JAZF1: variants seen among roughly 807,000 people sequenced by gnomAD.
JAZF1 encodes juxtaposed with another zinc finger protein 1.
Under a neutral mutation model 26.4 loss-of-function variants are expected in JAZF1, and 8 were observed. The observed-to-expected ratio is 0.30, with a 90% CI of 0.18 to 0.55. The LOEUF (loss-of-function observed/expected upper bound fraction) is 0.55, where lower values mean the gene tolerates loss of function less well. Ranked by LOEUF, JAZF1 falls within the 20% of genes least tolerant of loss-of-function variation. The pLI is 0.94. For synonymous variants in JAZF1, 126 were observed against 122.3 expected (o/e 1.03, Z -0.20); for missense variants, 199 against 322.0 (o/e 0.62, Z 2.92).
intron 1 of JAZF1, among the ~76,000 whole-genome samples, chr7:28,116,435 G>A (rs1394565232): frequency 1.3e-5 from 2 of 152,102 alleles, no homozygotes; most frequent in Non-Finnish European, 1.5e-5. Context: ...TGAAAACAAT[G>A]TATTTCTTTC....
chr7:28,103,436 G>A (rs1436106166), intron 1 of JAZF1, among the ~76,000 whole-genome samples: 1 of 152,094 alleles, frequency 6.6e-6, no homozygotes, highest in East Asian at 1.9e-4. Context: ...AGCATGGGAA[G>A]CAGAGCAAGA....
chr7:27,873,259 C>T (rs1385687793), intron 3 of JAZF1, among the ~76,000 whole-genome samples: 1 of 152,180 alleles, frequency 6.6e-6, no homozygotes, highest in African/African-American at 2.4e-5. Flanking sequence ...TCTCTTGGCC[C>T]TCCAATCCAT....
At chr7:27,998,710 T>C (rs1423250549) in intron 1 of JAZF1, among the ~76,000 whole-genome samples, 1 of 152,220 alleles carries the variant, frequency 6.6e-6, no homozygotes, top group African/African-American at 2.4e-5. Context: ...TGCAGCACAA[T>C]AACACCATCT....
intron 1 of JAZF1, among the ~76,000 whole-genome samples, chr7:28,138,929 T>C (rs1012058457): frequency 6.6e-6 from 1 of 152,164 alleles, no homozygotes; most frequent in Non-Finnish European, 1.5e-5. Context: ...ATGACAGTTG[T>C]TTGGAAACTG....
At chr7:28,147,992 C>T (rs1263312060) in intron 1 of JAZF1, among the ~76,000 whole-genome samples, 1 of 152,074 alleles carries the variant, frequency 6.6e-6, no homozygotes, top group Non-Finnish European at 1.5e-5. Flanking sequence ...TTCTTTCTTT[C>T]CTTTATCCCC....
intron 3 of JAZF1, among the ~76,000 whole-genome samples, chr7:27,857,469 G>A (rs543585185): frequency 5.9e-5 from 9 of 152,320 alleles, no homozygotes; most frequent in East Asian, 3.9e-4. Context: ...ACAGTGCAGC[G>A]GCAGGCTGAA....
chr7:27,857,170 T>C (rs1783279857), intron 3 of JAZF1, among the ~76,000 whole-genome samples: 1 of 152,180 alleles, frequency 6.6e-6, no homozygotes, highest in African/African-American at 2.4e-5. Context: ...GGCTCAGGCA[T>C]GGTGGGCTGC....
intron 1 of JAZF1, among the ~76,000 whole-genome samples, chr7:28,167,344 G>C (rs1452001924): frequency 1.3e-5 from 2 of 152,174 alleles, no homozygotes; most frequent in Non-Finnish European, 2.9e-5. Context: ...TATAGGTGGT[G>C]TCTCACAAAA....
chr7:27,913,364 AAAC>A (rs1466963058), intron 2 of JAZF1: 5 of 458,458 alleles, frequency 1.1e-5, no homozygotes, highest in African/African-American at 6.1e-5. Flanking sequence ...AGGAAGAAAA[AAAC>A]AACAAAAGAA....
At chr7:27,982,310 G>A (rs1006614210) in intron 2 of JAZF1, among the ~76,000 whole-genome samples, 7 of 152,236 alleles carry the variant, frequency 4.6e-5, no homozygotes, top group African/African-American at 1.4e-4. Context: ...TATATCCCGC[G>A]CATGGCTCAG....
chr7:28,055,462 G>A (rs748528660), intron 1 of JAZF1, among the ~76,000 whole-genome samples: 16 of 152,090 alleles, frequency 1.1e-4, no homozygotes, highest in East Asian at 7.7e-4. Context: ...ACTTTGGTGC[G>A]TGTGATTTCC....
At chr7:28,122,607 T>C (rs1230674937) in intron 1 of JAZF1, among the ~76,000 whole-genome samples, 1 of 152,156 alleles carries the variant, frequency 6.6e-6, no homozygotes, top group African/African-American at 2.4e-5. Flanking sequence ...CAGCTGGGCC[T>C]GAGATGTCAA....
intron 2 of JAZF1, among the ~76,000 whole-genome samples, chr7:27,972,314 A>G (rs1024133951): frequency 1.3e-5 from 2 of 152,238 alleles, no homozygotes; most frequent in African/African-American, 4.8e-5. Context: ...AACTGTGTAA[A>G]GCTCTGATTG....
At chr7:27,871,117 A>C (rs1415899250) in intron 3 of JAZF1, among the ~76,000 whole-genome samples, 1 of 152,214 alleles carries the variant, frequency 6.6e-6, no homozygotes, top group Admixed American at 6.5e-5. Flanking sequence ...TAAAAAGGAG[A>C]GATTTTCCAA....
intron 2 of JAZF1, among the ~76,000 whole-genome samples, chr7:27,914,362 C>A (rs10275982): frequency 0.28 from 42,004 of 151,968 alleles, 6,544 homozygotes; most frequent in Middle Eastern, 0.38. Flanking sequence ...ATTCTAAAGC[C>A]AACTGTGGGG....
At chr7:28,125,966 C>A (rs578089746) in intron 1 of JAZF1, among the ~76,000 whole-genome samples, 3 of 152,100 alleles carry the variant, frequency 2.0e-5, no homozygotes, top group Non-Finnish European at 4.4e-5. Flanking sequence ...TGGAACAAGA[C>A]CTTTGGGTGA....
chr7:27,929,994 CTCTTTCTT>C (rs375518788), intron 2 of JAZF1, among the ~76,000 whole-genome samples: 1 of 150,776 alleles, frequency 6.6e-6, no homozygotes, highest in East Asian at 1.9e-4. Flanking sequence ...CTCTCTCTCT[CTCTTTCTT>C]TCTTTCTTTT....
At chr7:28,126,594 C>T (rs573276600) in intron 1 of JAZF1, among the ~76,000 whole-genome samples, 2 of 152,194 alleles carry the variant, frequency 1.3e-5, no homozygotes, top group South Asian at 4.2e-4. Context: ...CTGAGTGTGA[C>T]GCAGAACAGG....
intron 3 of JAZF1, among the ~76,000 whole-genome samples, chr7:27,849,567 A>G (rs1783099243): frequency 6.6e-6 from 1 of 152,114 alleles, no homozygotes; most frequent in African/African-American, 2.4e-5. Context: ...GCAGGACAGC[A>G]GCCGAAAGGG....
Sources: gnomAD v4.1 joint callset for allele counts (sites outside exome capture counted in the v4.1 genomes callset) on GRCh38, gnomAD v4.1.1 for gene constraint, MANE v1.5 for transcripts, NCBI Gene and HGNC (gene_info 2026-07-23, HGNC 2026-07-21) for gene names.